The following DCC variants were observed in gnomAD, a reference collection of about 807,000 sequenced individuals.
DCC encodes netrin receptor DCC.
In DCC, 58 loss-of-function variants were observed where a neutral mutation model predicts 172.5. The observed-to-expected ratio is 0.34, with a 90% CI of 0.27 to 0.42. DCC has a LOEUF of 0.42. Ranked by LOEUF, DCC falls within the 10% of genes least tolerant of loss-of-function variation. The probability of loss-of-function intolerance (pLI) is 1.00; values close to 1 mark genes in which losing one functional copy is unlikely to be tolerated. For synonymous variants in DCC, 709 were observed against 644.5 expected (o/e 1.10, Z -1.52); for missense variants, 1,740 against 1,791.0 (o/e 0.97, Z 0.51).
intron 27 of DCC, among the ~76,000 whole-genome samples, chr18:53,518,866 C>T (rs749171329): frequency 3.9e-5 from 6 of 152,064 alleles, no homozygotes; most frequent in Admixed American, 2.6e-4. Flanking sequence ...ACCTCAGAAA[C>T]GTAATACCAC....
At chr18:52,627,004 A>G (rs568499585) in intron 1 of DCC, among the ~76,000 whole-genome samples, 15 of 152,252 alleles carry the variant, frequency 9.9e-5, no homozygotes, top group African/African-American at 3.1e-4. Flanking sequence ...TCCCTCTCAC[A>G]CTACCCTCTT....
chr18:52,825,353 G>GA (rs987519630), intron 2 of DCC, among the ~76,000 whole-genome samples: 22 of 152,070 alleles, frequency 1.4e-4, no homozygotes, highest in African/African-American at 5.3e-4. Flanking sequence ...CTTGGTGTCT[G>GA]AAAAAAGCTG....
At chr18:53,029,046 G>T (rs1317619712) in intron 5 of DCC, among the ~76,000 whole-genome samples, 1 of 147,420 alleles carries the variant, frequency 6.8e-6, no homozygotes, top group African/African-American at 2.7e-5. Flanking sequence ...CCAAAATGTG[G>T]ATTCATATGA....
intron 5 of DCC, among the ~76,000 whole-genome samples, chr18:53,046,871 G>C (rs181571946): frequency 2.1e-4 from 32 of 151,872 alleles, no homozygotes; most frequent in Non-Finnish European, 4.6e-4. Context: ...TAAAGAGTCC[G>C]TGACTCTCTC....
At chr18:52,889,820 T>TGAA (rs1293743195) in intron 2 of DCC, among the ~76,000 whole-genome samples, 1 of 152,162 alleles carries the variant, frequency 6.6e-6, no homozygotes, top group Non-Finnish European at 1.5e-5. Flanking sequence ...AACTTTAAGA[T>TGAA]GAAGTCATTC....
intron 1 of DCC, among the ~76,000 whole-genome samples, chr18:52,487,910 G>C (rs1376323561): frequency 6.6e-6 from 1 of 151,202 alleles, no homozygotes; most frequent in Non-Finnish European, 1.5e-5. Context: ...CTGATTAACA[G>C]GATAATCGGG....
At chr18:53,222,591 T>C (rs924005478) in intron 12 of DCC, among the ~76,000 whole-genome samples, 2 of 151,876 alleles carry the variant, frequency 1.3e-5, no homozygotes, top group African/African-American at 2.4e-5. Flanking sequence ...TTTCACCATA[T>C]TGTCCAGGCT....
At chr18:52,528,077 A>G (rs146703489) in intron 1 of DCC, among the ~76,000 whole-genome samples, 20 of 152,278 alleles carry the variant, frequency 1.3e-4, no homozygotes, top group African/African-American at 4.6e-4. Flanking sequence ...CTTGTTATGG[A>G]CTTTATGTCT....
At chr18:52,610,667 T>C (rs1314312096) in intron 1 of DCC, among the ~76,000 whole-genome samples, 1 of 152,086 alleles carries the variant, frequency 6.6e-6, no homozygotes, top group Non-Finnish European at 1.5e-5. Flanking sequence ...TTCGGCTTTG[T>C]GAGTCATGCC....
At chr18:52,576,679 A>C (rs2033417884) in intron 1 of DCC, among the ~76,000 whole-genome samples, 1 of 151,948 alleles carries the variant, frequency 6.6e-6, no homozygotes, top group Non-Finnish European at 1.5e-5. Context: ...AATACAAAAA[A>C]ATTAGCCGGG....
intron 5 of DCC, among the ~76,000 whole-genome samples, chr18:52,936,171 A>G (rs1238626567): frequency 3.3e-5 from 5 of 152,164 alleles, no homozygotes; most frequent in Non-Finnish European, 7.4e-5. Context: ...TCCCATTGCT[A>G]TGCAGATTAC....
intron 12 of DCC, among the ~76,000 whole-genome samples, chr18:53,287,934 G>A (rs953832256): frequency 6.6e-6 from 1 of 152,220 alleles, no homozygotes; most frequent in African/African-American, 2.4e-5. Context: ...GGATAGAACT[G>A]GAGAGGATTT....
chr18:52,931,363 A>G (rs2040304554), intron 5 of DCC, among the ~76,000 whole-genome samples: 1 of 152,164 alleles, frequency 6.6e-6, no homozygotes. Flanking sequence ...TATTCTTCAT[A>G]AGATAAAATC....
intron 1 of DCC, among the ~76,000 whole-genome samples, chr18:52,507,163 T>C (rs1224758065): frequency 1.3e-5 from 2 of 152,160 alleles, no homozygotes; most frequent in African/African-American, 2.4e-5. Context: ...CCCCTATGAG[T>C]CTTATTCTCT....
intron 9 of DCC, among the ~76,000 whole-genome samples, chr18:53,198,741 A>G (rs2055488753): frequency 6.6e-6 from 1 of 152,210 alleles, no homozygotes; most frequent in South Asian, 2.1e-4. Context: ...TTTCCACTGT[A>G]ATGAAATATT....
chr18:52,624,336 C>A (rs1654277999), intron 1 of DCC, among the ~76,000 whole-genome samples: 1 of 152,012 alleles, frequency 6.6e-6, no homozygotes, highest in African/African-American at 2.4e-5. Context: ...AAAATAGTAC[C>A]TTTTTGTTAC....
At chr18:53,322,192 A>G (rs1424578693) in intron 14 of DCC, 35 bp downstream of exon 14, 1 of 1,091,774 alleles carries the variant, frequency 9.2e-7, no homozygotes, top group Non-Finnish European at 1.4e-6. Flanking sequence ...CACTCTGATT[A>G]TCTTCTTGTT....
At chr18:52,901,848 A>C (rs2039813309) in intron 2 of DCC, among the ~76,000 whole-genome samples, 1 of 152,250 alleles carries the variant, frequency 6.6e-6, no homozygotes, top group East Asian at 1.9e-4. Flanking sequence ...CACAGAAATA[A>C]AATACAGAAA....
intron 17 of DCC, among the ~76,000 whole-genome samples, chr18:53,394,608 A>T (rs1029167084): frequency 6.6e-6 from 1 of 152,132 alleles, no homozygotes; most frequent in African/African-American, 2.4e-5. Flanking sequence ...TGGATGTTAC[A>T]GAGGATATGA....
Sources: allele counts gnomAD v4.1 joint callset (sites outside exome capture counted in the v4.1 genomes callset), GRCh38; gene constraint gnomAD v4.1.1; transcripts MANE v1.5; gene names NCBI Gene and HGNC (gene_info 2026-07-23, HGNC 2026-07-21).